The following ADARB2 variants were observed in gnomAD, a reference collection of about 807,000 sequenced individuals.
The protein encoded by ADARB2 is inactive double-stranded RNA-specific editase B2.
ADARB2 carries 25 observed loss-of-function variants against 62.2 expected under a neutral mutation model. That is an observed-to-expected ratio of 0.40 (90% confidence interval 0.29 to 0.56). The LOEUF (loss-of-function observed/expected upper bound fraction) is 0.56, where lower values mean the gene tolerates loss of function less well. Ranked by LOEUF, ADARB2 falls within the 20% of genes least tolerant of loss-of-function variation. The pLI, the probability that ADARB2 is intolerant of heterozygous loss-of-function variation, is 0.43. For missense variants in ADARB2, 1,071 were observed against 1,077.4 expected (o/e 0.99, Z 0.08); for synonymous variants, 572 against 500.8 (o/e 1.14, Z -1.90).
Position 1,363,764 on chromosome 10 carries a change from T to C in ADARB2, c.341A>G (p.Gln114Arg), listed in dbSNP as rs1588233052. ...EGNGGHLCKL[Q>R]LVWKKLSWSV... ...CCACGACAGCTTCTTCCAGACCAGCTGCAGTTTGCACAAGTGGCCCCCATT... is the reference window on the plus strand; with the variant it reads ...CCACGACAGCTTCTTCCAGACCAGCCGCAGTTTGCACAAGTGGCCCCCATT... The change falls in exon 3 of 10, where the codon CAG (glutamine) becomes CGG (arginine). Residue 114 changes from glutamine to arginine, a missense_variant. Transcript: ENST00000381312. 2 of 1,604,580 alleles carry C rather than the reference T, an allele frequency of 1.2e-6. No individual in the cohort carries two copies. The highest frequency in any genetic ancestry group is 1.3e-5 in the African/African-American group (1 of 74,784).
intron 1 of ADARB2, among the ~76,000 whole-genome samples, chr10:1,640,524 A>G (rs10903521): frequency 0.29 from 43,928 of 152,154 alleles, 7,396 homozygotes; most frequent in East Asian, 0.44. Flanking sequence ...CAATTGAGAC[A>G]GAAATCATAA....
intron 7 of ADARB2, among the ~76,000 whole-genome samples, chr10:1,207,610 G>A (rs533497966): frequency 6.6e-6 from 1 of 152,202 alleles, no homozygotes; most frequent in Non-Finnish European, 1.5e-5. Flanking sequence ...TCTCTAGGTG[G>A]GGGGAGACGG....
At chr10:1,624,059 C>T (rs1833738259) in intron 1 of ADARB2, among the ~76,000 whole-genome samples, 1 of 151,966 alleles carries the variant, frequency 6.6e-6, no homozygotes, top group Non-Finnish European at 1.5e-5. Flanking sequence ...ATGGCAAAAC[C>T]CCATCTCTAC....
Position 1,178,793 on chromosome 10 carries a change from T to G in ADARB2, c.*4400A>C, listed in dbSNP as rs1836623685. The G allele has an allele frequency of 6.6e-6, 1 of 152,068 alleles. No individual in the cohort carries two copies. The highest frequency in any genetic ancestry group is 6.6e-5 in the Admixed American group (1 of 15,262). 9.4% of individuals were successfully genotyped at this position (152,068 alleles called of 1,614,324 possible). A position where few individuals can be genotyped will look rare whatever the true frequency, so the allele number is the denominator to read the frequency against. The stretch of plus-strand genomic sequence containing the variant: ...TATGTGGGATGGCGGCTCCCTGACA[T>G]GGACTAGGGGACTCTGCAGCCTCCC... On this transcript the variant is annotated 3_prime_UTR_variant, in exon 10 of 10. Transcript: ENST00000381312.
intron 1 of ADARB2, among the ~76,000 whole-genome samples, chr10:1,478,551 C>G (rs180912477): frequency 9.8e-5 from 15 of 152,294 alleles, no homozygotes; most frequent in Middle Eastern, 3.4e-3. Context: ...TGCTGACCAT[C>G]AGGAGAATGT....
chr10:1,301,451 T>A (rs1831572092), intron 3 of ADARB2, among the ~76,000 whole-genome samples: 1 of 152,212 alleles, frequency 6.6e-6, no homozygotes, highest in Admixed American at 6.5e-5. Context: ...ACATACATTA[T>A]TGAAAATGAA....
intron 1 of ADARB2, among the ~76,000 whole-genome samples, chr10:1,659,840 C>A (rs1437704410): frequency 2.1e-5 from 3 of 143,688 alleles, no homozygotes; most frequent in African/African-American, 7.5e-5. Context: ...ACCCATCATG[C>A]TGCTTCTGGG....
At chr10:1,382,927 A>G (rs1564275630) in intron 1 of ADARB2, among the ~76,000 whole-genome samples, 1 of 152,138 alleles carries the variant, frequency 6.6e-6, no homozygotes, top group African/African-American at 2.4e-5. Context: ...GGCTCCCATC[A>G]TCGAATATGG....
intron 1 of ADARB2, among the ~76,000 whole-genome samples, chr10:1,465,267 G>T (rs983442490): frequency 6.6e-6 from 1 of 152,188 alleles, no homozygotes; most frequent in African/African-American, 2.4e-5. Flanking sequence ...GGTTCCAGGT[G>T]GTGGACCTAT....
chr10:1,510,482 C>A (rs919664970), intron 1 of ADARB2, among the ~76,000 whole-genome samples: 1 of 152,080 alleles, frequency 6.6e-6, no homozygotes, highest in Non-Finnish European at 1.5e-5. Context: ...GTGCAGGCAC[C>A]AGAAGTGATT....
intron 1 of ADARB2, among the ~76,000 whole-genome samples, chr10:1,419,633 T>C (rs1445349777): frequency 2.6e-5 from 4 of 152,174 alleles, no homozygotes; most frequent in Non-Finnish European, 5.9e-5. Flanking sequence ...GATATAGAGA[T>C]GTTTGTGGGT....
Position 1,363,720 on chromosome 10 carries a change from C to G in ADARB2, c.385G>C (p.Ala129Pro), listed in dbSNP as rs764476897. The G allele has an allele frequency of 1.6e-5, 25 of 1,610,722 alleles. No homozygotes were observed. In the East Asian group the frequency reaches 2.0e-4, roughly 13 times the overall value. ...KLSWSVAPKN[A>P]LVQLHELRPG... is the part of the protein sequence containing the mutation. The stretch of plus-strand genomic sequence containing the variant: ...CTCAGCTCGTGCAGCTGCACCAGCG[C>G]GTTCTTGGGCGCCACCGACCACGAC... The change falls in exon 3 of 10, where the codon GCG (alanine) becomes CCG (proline). Residue 129 changes from alanine (A) to proline (P), a missense_variant. Physicochemically the swap from Ala to Pro is conservative, Grantham distance 27. Transcript: ENST00000381312.
intron 1 of ADARB2, among the ~76,000 whole-genome samples, chr10:1,561,274 C>T (rs1169561192): frequency 6.6e-6 from 1 of 152,210 alleles, no homozygotes; most frequent in Non-Finnish European, 1.5e-5. Flanking sequence ...GGCACGTGTG[C>T]CCTGGCTGCG....
chr10:1,677,885 C>G (rs1484666846), intron 1 of ADARB2, among the ~76,000 whole-genome samples: 1 of 152,172 alleles, frequency 6.6e-6, no homozygotes, highest in Non-Finnish European at 1.5e-5. Flanking sequence ...CCCTAGGAAG[C>G]CAGGTCAGTT....
At chr10:1,652,692 C>G (rs952056495) in intron 1 of ADARB2, among the ~76,000 whole-genome samples, 6 of 152,128 alleles carry the variant, frequency 3.9e-5, no homozygotes, top group Non-Finnish European at 8.8e-5. Context: ...GAAAACAAGC[C>G]GTCCTGAGGC....
intron 1 of ADARB2, among the ~76,000 whole-genome samples, chr10:1,538,977 C>T (rs909049594): frequency 1.3e-5 from 2 of 152,204 alleles, no homozygotes; most frequent in Non-Finnish European, 2.9e-5. Context: ...GTCATTCTCA[C>T]GACAGGTGAG....
intron 1 of ADARB2, among the ~76,000 whole-genome samples, chr10:1,683,873 G>T (rs973352603): frequency 2.0e-5 from 3 of 152,222 alleles, no homozygotes; most frequent in African/African-American, 7.2e-5. Flanking sequence ...GTGAGGGGTG[G>T]ACTCTGTAAA....
At chr10:1,282,590 TG>T in intron 3 of ADARB2, among the ~76,000 whole-genome samples, 1 of 152,326 alleles carries the variant, frequency 6.6e-6, no homozygotes, top group Non-Finnish European at 1.5e-5. Flanking sequence ...TTTAATCACT[TG>T]GGATATAATA....
At chr10:1,473,925 C>T (rs987740149) in intron 1 of ADARB2, among the ~76,000 whole-genome samples, 4 of 3,050 alleles carry the variant, frequency 1.3e-3, no homozygotes, top group Non-Finnish European at 6.2e-3. Context: ...TGGCCGATTA[C>T]GGAGGAGCCC....
Sources: gnomAD v4.1 joint callset for allele counts (sites outside exome capture counted in the v4.1 genomes callset) on GRCh38, gnomAD v4.1.1 for gene constraint, MANE v1.5 for transcripts, NCBI Gene and HGNC (gene_info 2026-07-23, HGNC 2026-07-21) for gene names.